Variants in THSD4 observed in about 807,000 individuals in gnomAD.
THSD4 encodes the protein thrombospondin type-1 domain-containing protein 4.
A neutral mutation model predicts 119.0 loss-of-function variants in THSD4; 69 were observed. The observed-to-expected ratio is 0.58, with a 90% CI of 0.48 to 0.71. THSD4 has a LOEUF of 0.71. Among genes scored for constraint, THSD4 ranks in the 30% least tolerant of loss-of-function variants. THSD4 has a pLI of 0.00. For missense variants in THSD4, 1,393 were observed against 1,391.1 expected, an observed-to-expected ratio of 1.00 and a Z score of -0.02; for synonymous variants, 524 against 540.4, an observed-to-expected ratio of 0.97 and a Z score of 0.42.
chr15:71,620,620 G>A (rs1490419286), intron 7 of THSD4, among the ~76,000 whole-genome samples: 1 of 152,078 alleles, frequency 6.6e-6, no homozygotes, highest in Non-Finnish European at 1.5e-5. Flanking sequence ...CTCAGCTGAA[G>A]CAACCTTATT....
chr15:71,199,497 G>GTGTGGGGTGTGTGTGGTGT (rs2043752041), intron 3 of THSD4, among the ~76,000 whole-genome samples: 7 of 141,452 alleles, frequency 4.9e-5, no homozygotes, highest in Admixed American at 4.9e-4. Context: ...GGGTGTGTGT[G>GTGTGGGGTGTGTGTGGTGT]GTGTGTGTGT....
chr15:71,378,138 ATATTT>A (rs1182040223), intron 6 of THSD4, among the ~76,000 whole-genome samples: 4 of 152,166 alleles, frequency 2.6e-5, no homozygotes, highest in Admixed American at 6.5e-5. Context: ...GATTTTTTTC[ATATTT>A]TATTATAACT....
At chr15:71,097,600 C>G (rs928271276) in intron 1 of THSD4, among the ~76,000 whole-genome samples, 2 of 149,432 alleles carry the variant, frequency 1.3e-5, no homozygotes, top group African/African-American at 4.9e-5. Context: ...AATGAGACAA[C>G]AAAGAAGCCT....
At chr15:71,137,082 G>A (rs1356419345) in intron 1 of THSD4, among the ~76,000 whole-genome samples, 1 of 152,160 alleles carries the variant, frequency 6.6e-6, no homozygotes, top group Non-Finnish European at 1.5e-5. Context: ...GAGAGAAGGT[G>A]GGGCCTCCAT....
chr15:71,518,979 A>G (rs2048399966), intron 7 of THSD4, among the ~76,000 whole-genome samples: 1 of 151,786 alleles, frequency 6.6e-6, no homozygotes, highest in Non-Finnish European at 1.5e-5. Context: ...TTTTTAAACA[A>G]TTAATAATCT....
chr15:71,489,066 GGTAC>G (rs1429159062), intron 7 of THSD4, among the ~76,000 whole-genome samples: 1 of 152,062 alleles, frequency 6.6e-6, no homozygotes, highest in Non-Finnish European at 1.5e-5. Flanking sequence ...TGTTGGCTGA[GGTAC>G]GTCTTCTAGA....
At chr15:71,133,279 A>C (rs2040520043) in intron 1 of THSD4, among the ~76,000 whole-genome samples, 2 of 152,110 alleles carry the variant, frequency 1.3e-5, no homozygotes, top group Admixed American at 1.3e-4. Context: ...TGTCATGTTA[A>C]TTTCAGAAAC....
intron 7 of THSD4, among the ~76,000 whole-genome samples, chr15:71,635,682 AAAT>A (rs1485854740): frequency 6.6e-6 from 1 of 152,206 alleles, no homozygotes; most frequent in Non-Finnish European, 1.5e-5. Flanking sequence ...AGTTATCAAA[AAAT>A]CAAATACTAA....
intron 7 of THSD4, among the ~76,000 whole-genome samples, chr15:71,463,968 G>A (rs2047462670): frequency 6.6e-6 from 1 of 152,132 alleles, no homozygotes; most frequent in Non-Finnish European, 1.5e-5. Flanking sequence ...GATGCACCCT[G>A]CACAAACCCC....
chr15:71,668,173 A>G (rs1234500603), intron 8 of THSD4, among the ~76,000 whole-genome samples: 2 of 152,208 alleles, frequency 1.3e-5, no homozygotes, highest in African/African-American at 4.8e-5. Flanking sequence ...TTGGTTCAAG[A>G]TGGCAGACTG....
intron 7 of THSD4, among the ~76,000 whole-genome samples, chr15:71,470,797 G>A (rs939460391): frequency 3.0e-4 from 46 of 151,682 alleles, no homozygotes; most frequent in African/African-American, 1.0e-3. Context: ...CACCGCGCCC[G>A]GCTAATTTTT....
chr15:71,492,398 G>A (rs2047933387), intron 7 of THSD4, among the ~76,000 whole-genome samples: 1 of 151,982 alleles, frequency 6.6e-6, no homozygotes, highest in African/African-American at 2.4e-5. Flanking sequence ...CCAAGCAGCT[G>A]GGACCACAGG....
At chr15:71,538,323 G>A (rs1044890423) in intron 7 of THSD4, among the ~76,000 whole-genome samples, 4 of 152,092 alleles carry the variant, frequency 2.6e-5, no homozygotes, top group African/African-American at 9.7e-5. Flanking sequence ...TCCTCAAGTG[G>A]CTGGCCACAT....
chr15:71,583,290 G>A (rs2049594302), intron 7 of THSD4, among the ~76,000 whole-genome samples: 1 of 151,842 alleles, frequency 6.6e-6, no homozygotes, highest in Non-Finnish European at 1.5e-5. Context: ...CATTGTTTGA[G>A]CCTTTGACTC....
chr15:71,121,458 CT>C lies in THSD4; in HGVS notation c.-80+5763del, dbSNP rs759209053. ...TTCTCTTCCAGGGCGCCAAGGCTTG[CT>C]TTGGGTAAATTGACAACTGACTCTT... On this transcript the variant is annotated intron_variant, in intron 1 of 17. Transcript: ENST00000261862. Among the ~76,000 whole-genome samples the C allele has an allele frequency of 3.2e-4, 48 of 152,030 alleles. 1 individual carries two copies. The highest frequency in any genetic ancestry group is 2.4e-3 in the Admixed American group (37 of 15,274).
chr15:71,104,889 C>A (rs147797725), intron 1 of THSD4, among the ~76,000 whole-genome samples: 21 of 152,280 alleles, frequency 1.4e-4, no homozygotes, highest in Non-Finnish European at 2.6e-4. Context: ...CAGAGTGACC[C>A]GTAGGGCTGA....
At chr15:71,299,976 A>ATATATATAT (rs1555462048) in intron 6 of THSD4, among the ~76,000 whole-genome samples, 3 of 48,310 alleles carry the variant, frequency 6.2e-5, no homozygotes, top group African/African-American at 7.7e-5. Context: ...AAAAAAAAAA[A>ATATATATAT]ATATATATAT....
intron 7 of THSD4, among the ~76,000 whole-genome samples, chr15:71,476,731 A>T (rs183814615): frequency 1.1e-4 from 16 of 152,334 alleles, no homozygotes; most frequent in African/African-American, 3.8e-4. Flanking sequence ...CTCACAGCGG[A>T]ATCATTACCA....
chr15:71,359,665 C>T (rs2045866625), intron 6 of THSD4, among the ~76,000 whole-genome samples: 1 of 152,124 alleles, frequency 6.6e-6, no homozygotes, highest in African/African-American at 2.4e-5. Flanking sequence ...GAAAAATTAG[C>T]CAGGTGTGAT....
Sources: gnomAD v4.1 joint callset for allele counts (sites outside exome capture counted in the v4.1 genomes callset) on GRCh38, gnomAD v4.1.1 for gene constraint, MANE v1.5 for transcripts, NCBI Gene and HGNC (gene_info 2026-07-23, HGNC 2026-07-21) for gene names.